DAGLB: variants seen among roughly 807,000 people sequenced by gnomAD.
DAGLB encodes the protein diacylglycerol lipase-beta.
Under a neutral mutation model 72.1 loss-of-function variants are expected in DAGLB, and 66 were observed. The ratio of observed to expected loss-of-function variants is 0.92; its 90% confidence interval spans 0.75 to 1.12. The LOEUF (loss-of-function observed/expected upper bound fraction) is 1.12. Among genes scored for constraint, DAGLB ranks in the 50% most tolerant of loss-of-function variants. The pLI, the probability that DAGLB is intolerant of heterozygous loss-of-function variation, is 0.00. For missense variants in DAGLB, 1,065 were observed against 884.9 expected (o/e 1.20, Z -2.58); for synonymous variants, 414 against 359.5 (o/e 1.15, Z -1.71).
chr7:6,439,208 C>T (rs1219809802), intron 2 of DAGLB, among the ~76,000 whole-genome samples: 1 of 150,564 alleles, frequency 6.6e-6, no homozygotes, highest in Non-Finnish European at 1.5e-5. Flanking sequence ...TAAGCCAAGA[C>T]TGTGACACTG....
chr7:6,435,075 A>G, intron 3 of DAGLB, 55 bp from the exon 4 acceptor site: 1 of 1,592,606 alleles, frequency 6.3e-7, no homozygotes, highest in Admixed American at 1.7e-5. Context: ...GCCCAGACGC[A>G]GATGTCCGGG....
intron 9 of DAGLB, 197 bp from the exon 10 acceptor site, chr7:6,417,118 A>C: frequency 3.3e-6 from 2 of 611,980 alleles, no homozygotes; most frequent in South Asian, 1.9e-5. Flanking sequence ...AGCAGGTGCC[A>C]GGTGTGGTGG....
At chr7:6,433,146 T>A (rs1156801651) in intron 4 of DAGLB, among the ~76,000 whole-genome samples, 187 bp from the exon 5 acceptor site, 1 of 152,216 alleles carries the variant, frequency 6.6e-6, no homozygotes, top group African/African-American at 2.4e-5. Context: ...TGTTTTCACA[T>A]CCTGCCCTCA....
At chr7:6,437,165 A>AATAATG (rs1485089629) in intron 2 of DAGLB, among the ~76,000 whole-genome samples, 1 of 136,386 alleles carries the variant, frequency 7.3e-6, no homozygotes, top group Non-Finnish European at 1.5e-5. Flanking sequence ...AAATAATAAT[A>AATAATG]ATAATAATAA....
intron 2 of DAGLB, among the ~76,000 whole-genome samples, chr7:6,443,191 AAAAAAAAACAAAAAAC>A (rs1343809560): frequency 1.3e-5 from 2 of 149,276 alleles, no homozygotes; most frequent in African/African-American, 4.9e-5. Flanking sequence ...TCCATCCGGA[AAAAAAAAACAAAAAAC>A]AAAAAAAACA....
intron 2 of DAGLB, among the ~76,000 whole-genome samples, chr7:6,444,371 G>A (rs12670104): frequency 0.075 from 11,486 of 152,198 alleles, 1,078 homozygotes; most frequent in East Asian, 0.5. Context: ...GGAGGTCGAA[G>A]CGGGTGGATC....
intron 6 of DAGLB, among the ~76,000 whole-genome samples, chr7:6,426,828 G>C (rs11979574): frequency 0.023 from 3,492 of 152,264 alleles, 141 homozygotes; most frequent in African/African-American, 0.08. Context: ...ACAAAAAGAG[G>C]CCGGGCGTGG....
intron 2 of DAGLB, among the ~76,000 whole-genome samples, chr7:6,443,046 G>C (rs1194258514): frequency 6.6e-6 from 1 of 150,428 alleles, no homozygotes; most frequent in Admixed American, 6.6e-5. Context: ...AGCCAGGCAC[G>C]GTGGCGGGCG....
intron 11 of DAGLB, among the ~76,000 whole-genome samples, chr7:6,415,609 T>G (rs375542441): frequency 0.053 from 7,922 of 150,800 alleles, 529 homozygotes; most frequent in African/African-American, 0.16. Flanking sequence ...GAGGCCAAGG[T>G]GGCGGATCAT....
chr7:6,419,425 G>C (rs1784034541), intron 9 of DAGLB, among the ~76,000 whole-genome samples: 2 of 152,196 alleles, frequency 1.3e-5, no homozygotes, highest in Non-Finnish European at 2.9e-5. Context: ...GAGCCCAGCA[G>C]GACGTGGACT....
In DAGLB at chr7:6,445,970, A is replaced by G. The variant is rs769072010; in HGVS notation, c.230T>C (p.Met77Thr). The change falls in exon 2 of 15, where the codon ATG (methionine) becomes ACG (threonine). Residue 77 changes from methionine (M) to threonine (T), a missense_variant. Transcript: ENST00000297056. ...AVVICTVSAI[M>T]CVSMRGTICN... ...CTTTTTACCTCTCATGCTGACACAC[A>G]TGATGGCTGACACAGTACATATGAC... 3.1e-6 allele frequency: 5 copies of G among 1,602,950 alleles called. No individual in the cohort carries two copies. The highest frequency in any genetic ancestry group is 3.4e-6 in the Non-Finnish European group (4 of 1,176,724).
chr7:6,425,792 C>G (rs1367079234), intron 7 of DAGLB, among the ~76,000 whole-genome samples, 196 bp downstream of exon 7: 2 of 152,230 alleles, frequency 1.3e-5, no homozygotes, highest in Admixed American at 6.6e-5. Context: ...TATGTGAAAC[C>G]TGGGTTCTGA....
In DAGLB at chr7:6,410,146, C is replaced by A; in HGVS notation, c.1804G>T (p.Glu602Ter). Residue 602 changes from glutamate (E) to a stop codon, truncating the protein, a stop_gained, in exon 14 of 15, where the codon GAG (glutamate) becomes TAG (stop). Transcript: ENST00000297056. LOFTEE classifies it low-confidence loss of function (END_TRUNC). ...PPGRIIHLQE[E>*]GASGRFGCCS... ...CGCACTCACCGCCCCGAGGCGCCCT[C>A]CTCCTGCAGGTGGATGATCCTGCCG... is the stretch of plus-strand genomic sequence containing the variant. 1 of 1,575,820 alleles carries A rather than the reference C, an allele frequency of 6.3e-7. No individual in the cohort carries two copies. Among genetic ancestry groups the A allele is most frequent in the Non-Finnish European group, 8.6e-7 (1 of 1,157,762 alleles).
In DAGLB at chr7:6,410,165, C is replaced by T. The variant is rs1375478142; in HGVS notation, c.1785G>A (p.Arg595=). 6 of 1,581,032 alleles carry T rather than the reference C, an allele frequency of 3.8e-6. No individual in the cohort carries two copies. Among genetic ancestry groups the T allele is most frequent in the Non-Finnish European group, 5.2e-6 (6 of 1,160,742 alleles). Residue 595 remains arginine, a synonymous_variant, in exon 14 of 15, where the codon AGG becomes AGA. Transcript: ENST00000297056. Reference sequence around the variant, plus strand: ...CGCCCTCCTCCTGCAGGTGGATGATCCTGCCGGGAGGGTAGAGAGGGGGGT... The same window carrying T: ...CGCCCTCCTCCTGCAGGTGGATGATTCTGCCGGGAGGGTAGAGAGGGGGGT... ...PKYPPLYPPG[R]IIHLQEEGAS...
At chr7:6,423,573 G>A (rs546659735) in intron 8 of DAGLB, among the ~76,000 whole-genome samples, 11 of 147,828 alleles carry the variant, frequency 7.4e-5, no homozygotes, top group South Asian at 2.1e-4. Context: ...ACAGGTTCCC[G>A]CCACCATGCC....
chr7:6,440,976 G>C (rs185518709), intron 2 of DAGLB, among the ~76,000 whole-genome samples: 331 of 151,880 alleles, frequency 2.2e-3, no homozygotes, highest in African/African-American at 7.7e-3. Context: ...TTTTTTGAGG[G>C]GGGGACGGAG....
intron 2 of DAGLB, among the ~76,000 whole-genome samples, chr7:6,442,808 T>G (rs916291811): frequency 6.6e-6 from 1 of 151,974 alleles, no homozygotes; most frequent in African/African-American, 2.4e-5. Flanking sequence ...ATACCAGCAC[T>G]TTGGGAGGAT....
chr7:6,415,149 A>T, intron 11 of DAGLB, among the ~76,000 whole-genome samples: 1 of 151,390 alleles, frequency 6.6e-6, no homozygotes, highest in Non-Finnish European at 1.5e-5. Flanking sequence ...AGACTGAGTG[A>T]CACTCTGTGT....
At chr7:6,437,105 G>T (rs1784684444) in intron 2 of DAGLB, among the ~76,000 whole-genome samples, 1 of 150,166 alleles carries the variant, frequency 6.7e-6, no homozygotes. Context: ...AGTGAGCTGA[G>T]ATTGCGCCAC....
Sources: gnomAD v4.1 joint callset for allele counts (sites outside exome capture counted in the v4.1 genomes callset) on GRCh38, gnomAD v4.1.1 for gene constraint, MANE v1.5 for transcripts, NCBI Gene and HGNC (gene_info 2026-07-23, HGNC 2026-07-21) for gene names.